The following SOX5 variants were observed in gnomAD, a reference collection of about 807,000 sequenced individuals.
SOX5 encodes SRY-box transcription factor 5.
SOX5 carries 9 observed loss-of-function variants against 92.0 expected under a neutral mutation model. That is an observed-to-expected ratio of 0.10 (90% CI 0.06 to 0.17). The LOEUF (loss-of-function observed/expected upper bound fraction) is 0.17, where lower values mean the gene tolerates loss of function less well. Among genes scored for constraint, SOX5 ranks in the 10% least tolerant of loss-of-function variants. SOX5 has a pLI of 1.00. For missense variants in SOX5, 642 were observed against 944.5 expected (o/e 0.68, Z 4.20); for synonymous variants, 344 against 336.3 (o/e 1.02, Z -0.25).
At chr12:23,614,493 T>C (rs1415521455) in intron 8 of SOX5, among the ~76,000 whole-genome samples, 2 of 152,230 alleles carry the variant, frequency 1.3e-5, no homozygotes, top group Non-Finnish European at 2.9e-5. Flanking sequence ...CATGTATCAG[T>C]AGCCTGTTAT....
At chr12:24,345,582 T>C (rs908676194) in intron 2 of SOX5, among the ~76,000 whole-genome samples, 1 of 152,206 alleles carries the variant, frequency 6.6e-6, no homozygotes, top group Admixed American at 6.5e-5. Context: ...ATTAGATTAA[T>C]TATTATCAGA....
chr12:23,667,080 G>T (rs1236639682), intron 6 of SOX5, among the ~76,000 whole-genome samples: 1 of 152,030 alleles, frequency 6.6e-6, no homozygotes, highest in African/African-American at 2.4e-5. Flanking sequence ...AGAGGGAGAA[G>T]GGGAGGAGAG....
At chr12:24,066,396 T>C (rs1057277719) in intron 4 of SOX5, among the ~76,000 whole-genome samples, 1 of 152,158 alleles carries the variant, frequency 6.6e-6, no homozygotes, top group African/African-American at 2.4e-5. Flanking sequence ...TAGCTTCCAA[T>C]GAAGATGTAG....
At chr12:24,194,415 AG>A (rs1246301900) in intron 4 of SOX5, among the ~76,000 whole-genome samples, 3 of 137,384 alleles carry the variant, frequency 2.2e-5, no homozygotes, top group African/African-American at 9.5e-5. Flanking sequence ...ATAGGTAGGT[AG>A]GTAGGTAGGT....
At chr12:23,913,877 A>G (rs2097381259) in intron 1 of SOX5, among the ~76,000 whole-genome samples, 1 of 152,138 alleles carries the variant, frequency 6.6e-6, no homozygotes, top group Non-Finnish European at 1.5e-5. Context: ...ATTGTTACTA[A>G]TTTCTTCATT....
intron 4 of SOX5, among the ~76,000 whole-genome samples, chr12:24,128,621 C>T (rs929016718): frequency 3.3e-5 from 5 of 152,106 alleles, no homozygotes; most frequent in Non-Finnish European, 5.9e-5. Context: ...TATGCAAAGG[C>T]CCTGATTTGG....
chr12:23,578,478 A>G (rs142036731), intron 9 of SOX5, among the ~76,000 whole-genome samples: 224 of 152,044 alleles, frequency 1.5e-3, no homozygotes, highest in African/African-American at 4.9e-3. Flanking sequence ...ATAAAGGGGG[A>G]CTATTGAAAA....
intron 4 of SOX5, among the ~76,000 whole-genome samples, chr12:23,986,212 CT>C (rs1225432013): frequency 2.6e-5 from 4 of 152,056 alleles, no homozygotes; most frequent in African/African-American, 7.2e-5. Flanking sequence ...AGCAATAAAT[CT>C]ATCTTTAACT....
chr12:24,476,131 TGTTCATTCCTG>T (rs1260298930), intron 1 of SOX5, among the ~76,000 whole-genome samples: 1 of 152,208 alleles, frequency 6.6e-6, no homozygotes, highest in African/African-American at 2.4e-5. Flanking sequence ...CCTTTCCAAC[TGTTCATTCCTG>T]GTGTGTGAGG....
intron 1 of SOX5, among the ~76,000 whole-genome samples, chr12:24,449,150 G>A (rs537940632): frequency 1.3e-5 from 2 of 152,166 alleles, no homozygotes; most frequent in African/African-American, 4.8e-5. Flanking sequence ...CATTCACAAA[G>A]CAATCAGAGG....
intron 4 of SOX5, among the ~76,000 whole-genome samples, chr12:24,096,827 G>A (rs2137891980): frequency 6.6e-6 from 1 of 152,168 alleles, no homozygotes; most frequent in Middle Eastern, 3.4e-3. Context: ...GATTAGTGCT[G>A]TTATAAATAC....
intron 4 of SOX5, among the ~76,000 whole-genome samples, chr12:24,132,454 T>G (rs562838168): frequency 6.6e-6 from 1 of 152,300 alleles, no homozygotes; most frequent in African/African-American, 2.4e-5. Flanking sequence ...ACTTCTCACA[T>G]CCTGTGCTAT....
intron 3 of SOX5, among the ~76,000 whole-genome samples, chr12:23,801,855 T>C (rs911654707): frequency 9.2e-5 from 14 of 152,130 alleles, no homozygotes; most frequent in African/African-American, 3.1e-4. Flanking sequence ...TTTTAGCTAC[T>C]TCACCATCTT....
intron 3 of SOX5, among the ~76,000 whole-genome samples, chr12:24,215,129 T>C (rs1337487624): frequency 3.3e-5 from 5 of 152,106 alleles, no homozygotes; most frequent in African/African-American, 1.2e-4. Context: ...AGACCATCTA[T>C]GAAAAATCTA....
chr12:23,980,057 T>C (rs1451955938), intron 4 of SOX5, among the ~76,000 whole-genome samples: 1 of 152,114 alleles, frequency 6.6e-6, no homozygotes, highest in Non-Finnish European at 1.5e-5. Flanking sequence ...GTGAACCTCC[T>C]GCCTCAGCTG....
intron 8 of SOX5, among the ~76,000 whole-genome samples, chr12:23,615,165 G>C (rs2076404953): frequency 6.6e-6 from 1 of 151,920 alleles, no homozygotes; most frequent in South Asian, 2.1e-4. Flanking sequence ...GGTGTGAAGT[G>C]GTATCTCGTA....
At chr12:24,131,801 C>G (rs1177471419) in intron 4 of SOX5, among the ~76,000 whole-genome samples, 1 of 152,136 alleles carries the variant, frequency 6.6e-6, no homozygotes. Context: ...GAGGGGTACA[C>G]ATCTGTTTTA....
chr12:24,305,157 G>T (rs552539461), intron 2 of SOX5, among the ~76,000 whole-genome samples: 2 of 152,100 alleles, frequency 1.3e-5, no homozygotes, highest in African/African-American at 4.8e-5. Flanking sequence ...GCTATTATAG[G>T]ATAATTATGT....
At chr12:24,055,344 T>A (rs1241275808) in intron 4 of SOX5, among the ~76,000 whole-genome samples, 1 of 152,194 alleles carries the variant, frequency 6.6e-6, no homozygotes, top group Non-Finnish European at 1.5e-5. Flanking sequence ...ACAGTCCTTA[T>A]AACTGATAGA....
Sources: allele counts gnomAD v4.1 joint callset (sites outside exome capture counted in the v4.1 genomes callset), GRCh38; gene constraint gnomAD v4.1.1; transcripts MANE v1.5; gene names NCBI Gene and HGNC (gene_info 2026-07-23, HGNC 2026-07-21).